Variants in OPCML observed in about 807,000 individuals in gnomAD.
OPCML encodes the protein opioid binding protein/cell adhesion molecule like, also known as opioid-binding protein/cell adhesion molecule.
In OPCML, 13 loss-of-function variants were observed where a neutral mutation model predicts 37.8. That is an observed-to-expected ratio of 0.34 (90% CI 0.22 to 0.55). OPCML has a LOEUF of 0.55. Among genes scored for constraint, OPCML ranks in the 20% least tolerant of loss-of-function variants. The probability of loss-of-function intolerance (pLI) is 0.91; values close to 1 mark genes in which losing one functional copy is unlikely to be tolerated. For synonymous variants in OPCML, 176 were observed against 168.8 expected (o/e 1.04, Z -0.33); for missense variants, 341 against 435.6 (o/e 0.78, Z 1.93).
chr11:132,862,031 C>T (rs1223563482), intron 2 of OPCML, among the ~76,000 whole-genome samples: 2 of 152,048 alleles, frequency 1.3e-5, no homozygotes, highest in African/African-American at 4.8e-5. Context: ...TAGCAAACAT[C>T]TTCAATTTGC....
At position 132,494,062 on chromosome 11, in the gene OPCML, C is replaced by G. The variant is rs111609322; in HGVS notation, c.505+34999G>C. Among the ~76,000 whole-genome samples, 1,131 of 152,314 alleles carry G rather than the reference C, an allele frequency of 7.4e-3. 7 individuals carry two copies. Among genetic ancestry groups the G allele is most frequent in the African/African-American group, 0.025 (1,051 of 41,570 alleles). ...GCAAGGCCTTTGGCAGCCTTACAGGCCTTCTGATTTGCCAAACCACTTTAT... is the reference window on the plus strand; with the variant it reads ...GCAAGGCCTTTGGCAGCCTTACAGGGCTTCTGATTTGCCAAACCACTTTAT... On this transcript the variant is annotated intron_variant, in intron 4 of 7. Transcript: ENST00000524381.
At chr11:133,170,658 T>A (rs1228763728) in intron 1 of OPCML, among the ~76,000 whole-genome samples, 1 of 151,168 alleles carries the variant, frequency 6.6e-6, no homozygotes, top group Non-Finnish European at 1.5e-5. Context: ...GCATGAGACA[T>A]ATGTAATGTA....
At chr11:133,394,861 C>A (rs1236792112) in intron 1 of OPCML, among the ~76,000 whole-genome samples, 1 of 152,144 alleles carries the variant, frequency 6.6e-6, no homozygotes, top group South Asian at 2.1e-4. Context: ...CTTTGATGTA[C>A]CGATTTCCTT....
intron 1 of OPCML, among the ~76,000 whole-genome samples, chr11:133,520,848 G>T (rs1243068627): frequency 6.6e-6 from 1 of 152,252 alleles, no homozygotes; most frequent in Admixed American, 6.5e-5. Context: ...ACGTTCTCTG[G>T]CAGGGCTCAG....
chr11:133,355,167 G>T (rs1227456401), intron 1 of OPCML, among the ~76,000 whole-genome samples: 1 of 152,168 alleles, frequency 6.6e-6, no homozygotes, highest in Non-Finnish European at 1.5e-5. Flanking sequence ...ATTTGAAGTC[G>T]ATGCCAATGA....
chr11:132,894,389 C>T (rs1356688124), intron 2 of OPCML, among the ~76,000 whole-genome samples: 1 of 152,246 alleles, frequency 6.6e-6, no homozygotes, highest in African/African-American at 2.4e-5. Context: ...ATCTCCAAGA[C>T]TCTGTCTAAG....
intron 1 of OPCML, among the ~76,000 whole-genome samples, chr11:133,225,844 A>G (rs1411497181): frequency 6.6e-6 from 1 of 152,248 alleles, no homozygotes; most frequent in Non-Finnish European, 1.5e-5. Flanking sequence ...AATGAAAAGC[A>G]AGATGGAAAC....
At chr11:133,437,095 A>G (rs952786010) in intron 1 of OPCML, among the ~76,000 whole-genome samples, 5 of 152,210 alleles carry the variant, frequency 3.3e-5, no homozygotes, top group South Asian at 4.1e-4. Context: ...TAGCACATCT[A>G]TCTAATTTAT....
intron 4 of OPCML, among the ~76,000 whole-genome samples, chr11:132,457,434 T>G (rs939035715): frequency 1.3e-5 from 2 of 152,238 alleles, no homozygotes; most frequent in Non-Finnish European, 2.9e-5. Context: ...AAGAGATTCA[T>G]GCTTTAACAA....
chr11:133,149,802 A>G (rs959499583), intron 1 of OPCML, among the ~76,000 whole-genome samples: 11 of 152,262 alleles, frequency 7.2e-5, no homozygotes, highest in African/African-American at 2.4e-4. Flanking sequence ...TCAACAGCAG[A>G]CATCCAATTT....
chr11:133,323,767 C>A (rs534006949), intron 1 of OPCML, among the ~76,000 whole-genome samples: 1 of 152,272 alleles, frequency 6.6e-6, no homozygotes, highest in East Asian at 1.9e-4. Flanking sequence ...AAATAAAGAA[C>A]GGAGTGGCCA....
At chr11:133,039,182 C>T (rs982939688) in intron 1 of OPCML, among the ~76,000 whole-genome samples, 3 of 152,102 alleles carry the variant, frequency 2.0e-5, no homozygotes, top group South Asian at 4.1e-4. Context: ...AAATCATAGG[C>T]TTTATCCTTG....
At chr11:132,827,849 T>A (rs772285111) in intron 2 of OPCML, among the ~76,000 whole-genome samples, 49 of 151,600 alleles carry the variant, frequency 3.2e-4, no homozygotes, top group Non-Finnish European at 5.6e-4. Context: ...TTTCACCATG[T>A]TTTGATCTCC....
intron 4 of OPCML, among the ~76,000 whole-genome samples, chr11:132,510,057 C>G (rs538822207): frequency 1.3e-5 from 2 of 152,336 alleles, no homozygotes; most frequent in East Asian, 1.9e-4. Context: ...CCATGGGAAC[C>G]CACCTCTTGC....
intron 4 of OPCML, among the ~76,000 whole-genome samples, chr11:132,500,071 G>T (rs1047982742): frequency 4.6e-5 from 7 of 152,060 alleles, no homozygotes; most frequent in African/African-American, 1.7e-4. Context: ...GATTGAGTCG[G>T]GACACTGATG....
intron 1 of OPCML, among the ~76,000 whole-genome samples, chr11:133,524,778 C>T (rs775988178): frequency 1.5e-4 from 23 of 152,222 alleles, no homozygotes; most frequent in Non-Finnish European, 1.6e-4. Context: ...GCATTCCCTG[C>T]ACATTCCCGT....
At chr11:132,800,971 A>T (rs1345590987) in intron 2 of OPCML, among the ~76,000 whole-genome samples, 1 of 152,204 alleles carries the variant, frequency 6.6e-6, no homozygotes, top group Non-Finnish European at 1.5e-5. Context: ...TGAAGAATTG[A>T]TATTATTTCT....
At chr11:133,052,662 CTG>C (rs1237020025) in intron 1 of OPCML, among the ~76,000 whole-genome samples, 5 of 152,202 alleles carry the variant, frequency 3.3e-5, no homozygotes, top group Non-Finnish European at 5.9e-5. Context: ...TTTGAGAACA[CTG>C]TGTGTCCTTG....
chr11:133,253,772 T>C (rs1181045886), intron 1 of OPCML, among the ~76,000 whole-genome samples: 1 of 150,020 alleles, frequency 6.7e-6, no homozygotes, highest in Non-Finnish European at 1.5e-5. Context: ...CAGGGAAGCA[T>C]TGTTAAAGGT....
Sources: gnomAD v4.1 joint callset for allele counts (sites outside exome capture counted in the v4.1 genomes callset) on GRCh38, gnomAD v4.1.1 for gene constraint, MANE v1.5 for transcripts, NCBI Gene and HGNC (gene_info 2026-07-23, HGNC 2026-07-21) for gene names.